The following NUDT4 variants were observed in gnomAD, a reference collection of about 807,000 sequenced individuals.
NUDT4 encodes nudix hydrolase 4.
In NUDT4, 5 loss-of-function variants were observed where a neutral mutation model predicts 23.1. The observed-to-expected ratio is 0.22, with a 90% CI of 0.11 to 0.46. The LOEUF is 0.46. NUDT4 is among the 20% of genes least tolerant of loss of function. The probability of loss-of-function intolerance (pLI) is 0.99; values close to 1 mark genes in which losing one functional copy is unlikely to be tolerated. For synonymous variants in NUDT4, 50 were observed against 79.0 expected (o/e 0.63, Z 1.95); for missense variants, 96 against 211.6 (o/e 0.45, Z 3.39).
At chr12:93,398,536 C>T (rs1877107139) in intron 3 of NUDT4, among the ~76,000 whole-genome samples, 1 of 152,028 alleles carries the variant, frequency 6.6e-6, no homozygotes, top group South Asian at 2.1e-4. Flanking sequence ...TATTGAGAGC[C>T]AATTTCACCA....
rs765966673 is a variant in NUDT4, at chr12:93,396,180, CAT to C, written c.255+648_255+649del. The stretch of plus-strand genomic sequence containing the variant: ...TAGTATGACCTAAGAGCTTAGGTCT[CAT>C]GTGTTTTATCTGGAAATGTCCCCAT... On this transcript the variant is annotated intron_variant, in intron 3 of 4. Transcript: ENST00000415493. Among the ~76,000 whole-genome samples, 13 of 152,160 alleles carry C rather than the reference CAT, an allele frequency of 8.5e-5. No individual in the cohort carries two copies. In the East Asian group the frequency reaches 1.7e-3, roughly 20 times the overall value.
In NUDT4 at chr12:93,400,508, C is replaced by T. The variant is rs1877306421; in HGVS notation, c.*1129C>T. On this transcript the variant is annotated 3_prime_UTR_variant, in exon 5 of 5. Coordinates refer to ENST00000415493, the MANE Select transcript of NUDT4 (RefSeq NM_019094.6). ...TTTATACTCACTTAAAATCAAGAAT[C>T]CCATCTAAAACACATAGGTACCTTA... 6.6e-6 allele frequency: 1 copy of T among 152,286 alleles called. No homozygotes were observed. The highest frequency in any genetic ancestry group is 6.5e-5 in the Admixed American group (1 of 15,286). 9.4% of individuals were successfully genotyped at this position (152,286 alleles called of 1,614,324 possible).
intron 1 of NUDT4, among the ~76,000 whole-genome samples, chr12:93,383,058 G>T (rs979350956): frequency 7.0e-5 from 9 of 128,848 alleles, no homozygotes; most frequent in Non-Finnish European, 1.4e-4. Context: ...AGGCATTAAC[G>T]TAGAATTTGC....
At chr12:93,381,209 C>T (rs1479568668) in intron 1 of NUDT4, among the ~76,000 whole-genome samples, 1 of 152,124 alleles carries the variant, frequency 6.6e-6, no homozygotes, top group African/African-American at 2.4e-5. Context: ...AGTAACCTAT[C>T]CCAAGGTCAC....
At chr12:93,384,578 G>A (rs1875929058) in intron 1 of NUDT4, among the ~76,000 whole-genome samples, 1 of 152,088 alleles carries the variant, frequency 6.6e-6, no homozygotes, top group Non-Finnish European at 1.5e-5. Flanking sequence ...AGTAATAATT[G>A]CAAAAATATT....
In NUDT4 at chr12:93,401,373, C is replaced by A. The variant is rs1877406462; in HGVS notation, c.*1994C>A. The A allele has an allele frequency of 6.8e-6, 1 of 147,540 alleles. No individual in the cohort carries two copies. The highest frequency in any genetic ancestry group is 2.5e-5 in the African/African-American group (1 of 40,558). The allele number at this position is 147,540 out of a possible 1,614,324, so 9.1% of individuals were successfully genotyped here. A position where few individuals can be genotyped will look rare whatever the true frequency, so the allele number is the denominator to read the frequency against. On this transcript the variant is annotated 3_prime_UTR_variant, in exon 5 of 5. Transcript: ENST00000415493. ...CTCTGAAATTTCCTTAAATTATATA[C>A]TTAACATAGCAGAGAAACTGGATTG...
intron 1 of NUDT4, among the ~76,000 whole-genome samples, chr12:93,384,710 AC>A: frequency 6.6e-6 from 1 of 152,242 alleles, no homozygotes; most frequent in Non-Finnish European, 1.5e-5. Flanking sequence ...TAATTCATAG[AC>A]TTTTATCCAA....
chr12:93,386,936 T>A (rs1015997836), intron 1 of NUDT4, among the ~76,000 whole-genome samples: 10 of 151,588 alleles, frequency 6.6e-5, no homozygotes, highest in East Asian at 1.9e-4. Flanking sequence ...CTGATTTTTT[T>A]TTATTATTAT....
At position 93,405,045 on chromosome 12, in the gene NUDT4, GAAA is replaced by G. The variant is rs1017216673; in HGVS notation, c.*5671_*5673del. ...GGCCGAAATATTTACTGTTTTAGGAGAAAAAAACAACATGAATTGTAATAACTT... is the reference window on the plus strand; with the variant it reads ...GGCCGAAATATTTACTGTTTTAGGAGAAAACAACATGAATTGTAATAACTT... On this transcript the variant is annotated 3_prime_UTR_variant, in exon 5 of 5. Coordinates refer to ENST00000415493, the MANE Select transcript of NUDT4 (RefSeq NM_019094.6). 6.6e-6 allele frequency: 1 copy of G among 151,830 alleles called. No homozygotes were observed. Among genetic ancestry groups the G allele is most frequent in the African/African-American group, 2.4e-5 (1 of 41,340 alleles). The allele number at this position is 151,830 out of a possible 1,614,324, so 9.4% of individuals were successfully genotyped here.
At position 93,402,619 on chromosome 12, in the gene NUDT4, A is replaced by ATGTC. The variant is rs1877541178; in HGVS notation, c.*3241_*3244dup. The stretch of plus-strand genomic sequence containing the variant: ...TTAAAAGGAAATGCTTACCACTAAG[A>ATGTC]TGTCAGTATTCTCCTCATGGATATT... On this transcript the variant is annotated 3_prime_UTR_variant, in exon 5 of 5. Coordinates refer to ENST00000415493, the MANE Select transcript of NUDT4 (RefSeq NM_019094.6). The ATGTC allele has an allele frequency of 6.6e-6, 1 of 152,180 alleles. No homozygotes were observed. Among genetic ancestry groups the ATGTC allele is most frequent in the African/African-American group, 2.4e-5 (1 of 41,428 alleles). 9.4% of individuals were successfully genotyped at this position (152,180 alleles called of 1,614,324 possible).
chr12:93,389,811 A>G (rs1876359337), intron 1 of NUDT4, among the ~76,000 whole-genome samples: 1 of 151,684 alleles, frequency 6.6e-6, no homozygotes, highest in African/African-American at 2.4e-5. Flanking sequence ...TGAGGGAGGG[A>G]ATTGCTTGAA....
At position 93,403,005 on chromosome 12, in the gene NUDT4, T is replaced by C. The variant is rs1877577091; in HGVS notation, c.*3626T>C. 1 of 151,200 alleles carries C rather than the reference T, an allele frequency of 6.6e-6. No individual in the cohort carries two copies. The highest frequency in any genetic ancestry group is 2.4e-5 in the African/African-American group (1 of 40,850). 9.4% of individuals were successfully genotyped at this position (151,200 alleles called of 1,614,324 possible). On this transcript the variant is annotated 3_prime_UTR_variant, in exon 5 of 5. Transcript: ENST00000415493. ...TTCCAATGTTGTCTTCACATTGGAGTATAAGAATTCTCTATAGGACTCTTT... is the reference window on the plus strand; with the variant it reads ...TTCCAATGTTGTCTTCACATTGGAGCATAAGAATTCTCTATAGGACTCTTT...
Position 93,395,517 on chromosome 12 carries a change from T to A in NUDT4, c.239T>A (p.Leu80His). 6.2e-7 allele frequency: 1 copy of A among 1,609,842 alleles called. No individual in the cohort carries two copies. Among genetic ancestry groups the A allele is most frequent in the East Asian group, 2.2e-5 (1 of 44,850 alleles). The change falls in exon 3 of 5, where the codon CTT (leucine) becomes CAT (histidine). Residue 80 changes from leucine (L) to histidine (H), a missense_variant. Transcript: ENST00000415493. ...GGAGTCAAAGGAAAACTAGGCAGACTTCTGGGCATATTTGAGGTGAGTTAA... is the reference window on the plus strand; with the variant it reads ...GGAGTCAAAGGAAAACTAGGCAGACATCTGGGCATATTTGAGGTGAGTTAA... ...EAGVKGKLGR[L>H]LGIFENQDRK...
In NUDT4 at chr12:93,402,197, A is replaced by G. The variant is rs930852077; in HGVS notation, c.*2818A>G. The G allele has an allele frequency of 6.6e-6, 1 of 152,186 alleles. No individual in the cohort carries two copies. Among genetic ancestry groups the G allele is most frequent in the African/African-American group, 2.4e-5 (1 of 41,444 alleles). The allele number at this position is 152,186 out of a possible 1,614,324, so 9.4% of individuals were successfully genotyped here. A position where few individuals can be genotyped will look rare whatever the true frequency, so the allele number is the denominator to read the frequency against. ...TGTTGTATACACTGAATTGCTTTGC[A>G]TGGTCTCATTTGAGATAATTGATGT... On this transcript the variant is annotated 3_prime_UTR_variant, in exon 5 of 5. Coordinates refer to ENST00000415493, the MANE Select transcript of NUDT4 (RefSeq NM_019094.6).
chr12:93,398,593 A>C (rs1877111718), intron 3 of NUDT4, among the ~76,000 whole-genome samples, 178 bp from the exon 4 acceptor site: 1 of 152,152 alleles, frequency 6.6e-6, no homozygotes, highest in Non-Finnish European at 1.5e-5. Flanking sequence ...TAACTTTTAA[A>C]TGTTTTGTCT....
chr12:93,384,379 G>C (rs1272142910), intron 1 of NUDT4, among the ~76,000 whole-genome samples: 5 of 152,048 alleles, frequency 3.3e-5, no homozygotes, highest in Non-Finnish European at 1.5e-5. Context: ...ATGTTGGCCA[G>C]GATGGTCTTG....
intron 3 of NUDT4, among the ~76,000 whole-genome samples, chr12:93,397,481 G>T (rs1193151499): frequency 1.3e-5 from 2 of 150,962 alleles, no homozygotes; most frequent in Non-Finnish European, 2.9e-5. Context: ...AGGCCAACTT[G>T]TTTAATTTTT....
intron 1 of NUDT4, among the ~76,000 whole-genome samples, chr12:93,384,875 G>C (rs1875951870): frequency 6.6e-6 from 1 of 152,158 alleles, no homozygotes; most frequent in South Asian, 2.1e-4. Context: ...TCCTGCCTCA[G>C]CCTTCCAAGT....
chr12:93,378,148 G>C lies in NUDT4; in HGVS notation c.-175G>C. The C allele has an allele frequency of 3.6e-6, 1 of 276,402 alleles. No homozygotes were observed. The highest frequency in any genetic ancestry group is 6.8e-6 in the Non-Finnish European group (1 of 147,870). 17.1% of individuals were successfully genotyped at this position (276,402 alleles called of 1,614,324 possible). On this transcript the variant is annotated 5_prime_UTR_variant, in exon 1 of 5. Coordinates refer to ENST00000415493, the MANE Select transcript of NUDT4 (RefSeq NM_019094.6). ...CTAGCGTCCCGTCCCGCCCGCGTCG[G>C]AGCGGCCGCCGGCCCCGGGACTGAC...
Sources: gnomAD v4.1 joint callset for allele counts (sites outside exome capture counted in the v4.1 genomes callset) on GRCh38, gnomAD v4.1.1 for gene constraint, MANE v1.5 for transcripts, NCBI Gene and HGNC (gene_info 2026-07-23, HGNC 2026-07-21) for gene names.